Variants in ZDHHC14 observed in about 807,000 individuals in gnomAD.
The protein encoded by ZDHHC14 is zDHHC palmitoyltransferase 14.
A neutral mutation model predicts 47.7 loss-of-function variants in ZDHHC14; 16 were observed. The observed-to-expected ratio is 0.34, with a 90% CI of 0.23 to 0.51. The LOEUF is 0.51. ZDHHC14 is among the 20% of genes least tolerant of loss of function. The pLI is 0.97. For synonymous variants in ZDHHC14, 293 were observed against 278.9 expected (o/e 1.05, Z -0.50); for missense variants, 515 against 662.5 (o/e 0.78, Z 2.44).
chr6:157,484,408 G>GTATATGTGTATA (rs1779724125), intron 1 of ZDHHC14, among the ~76,000 whole-genome samples: 1 of 140,722 alleles, frequency 7.1e-6, no homozygotes, highest in African/African-American at 2.7e-5. Context: ...ACATATATAT[G>GTATATGTGTATA]TATACACATA....
intron 7 of ZDHHC14, among the ~76,000 whole-genome samples, chr6:157,651,558 G>A (rs1460208289): frequency 5.2e-5 from 6 of 116,454 alleles, no homozygotes; most frequent in African/African-American, 6.9e-5. Context: ...AACCCGTGAC[G>A]TTCCCTCAAG....
At chr6:157,518,406 G>A (rs1227950056) in intron 1 of ZDHHC14, among the ~76,000 whole-genome samples, 1 of 139,618 alleles carries the variant, frequency 7.2e-6, no homozygotes, top group Non-Finnish European at 1.6e-5. Flanking sequence ...GGGGAGGGTG[G>A]AAGGGGGGCT....
intron 1 of ZDHHC14, among the ~76,000 whole-genome samples, chr6:157,532,199 C>T (rs1781391810): frequency 6.6e-6 from 1 of 152,248 alleles, no homozygotes; most frequent in South Asian, 2.1e-4. Flanking sequence ...AGGAGAGCCT[C>T]AGTGGTGTTC....
In ZDHHC14 at chr6:157,653,923, G is replaced by A. The variant is rs574188878; in HGVS notation, c.1068+296G>A. 1.1e-4 allele frequency among the ~76,000 whole-genome samples: 17 copies of A among 152,278 alleles called. No individual in the cohort carries two copies. In the South Asian group the frequency reaches 3.5e-3, roughly 32 times the overall value. On this transcript the variant is annotated intron_variant, in intron 8 of 8. Transcript: ENST00000359775. ...CACGTGGATGGAAGCCCCTTATACA[G>A]GATCAGGCTGTTGTTACACATCCCA...
chr6:157,440,183 A>G (rs1778534640), intron 1 of ZDHHC14, among the ~76,000 whole-genome samples: 1 of 151,398 alleles, frequency 6.6e-6, no homozygotes, highest in East Asian at 1.9e-4. Context: ...AATAATAATA[A>G]TAATAATAAA....
chr6:157,623,869 G>A (rs1158789417), intron 3 of ZDHHC14, among the ~76,000 whole-genome samples: 1 of 152,078 alleles, frequency 6.6e-6, no homozygotes, highest in Admixed American at 6.5e-5. Context: ...TTTAAATAAA[G>A]GAATCCTCCA....
chr6:157,540,721 A>G (rs1379026143), intron 1 of ZDHHC14, among the ~76,000 whole-genome samples: 1 of 152,042 alleles, frequency 6.6e-6, no homozygotes, highest in East Asian at 1.9e-4. Flanking sequence ...TGTTCAAACT[A>G]TGTCGAATTG....
intron 1 of ZDHHC14, among the ~76,000 whole-genome samples, chr6:157,389,657 ATT>A: frequency 6.6e-6 from 1 of 152,006 alleles, no homozygotes; most frequent in South Asian, 2.1e-4. Context: ...ATTTTTATTA[ATT>A]GCTTAAGAGA....
At chr6:157,391,207 C>T (rs969452110) in intron 1 of ZDHHC14, among the ~76,000 whole-genome samples, 2 of 152,186 alleles carry the variant, frequency 1.3e-5, no homozygotes, top group African/African-American at 2.4e-5. Flanking sequence ...GCTTACCAAA[C>T]AGTGGAAGAT....
At chr6:157,438,150 G>C (rs981071043) in intron 1 of ZDHHC14, among the ~76,000 whole-genome samples, 21 of 151,664 alleles carry the variant, frequency 1.4e-4, no homozygotes, top group Non-Finnish European at 7.4e-5. Context: ...CAAAAAAAAT[G>C]AGAAAGTAGA....
chr6:157,433,182 G>A (rs989569704), intron 1 of ZDHHC14, among the ~76,000 whole-genome samples: 11 of 152,212 alleles, frequency 7.2e-5, no homozygotes, highest in East Asian at 1.9e-4. Flanking sequence ...GTGCTGGCAC[G>A]ATCACTCTAT....
intron 1 of ZDHHC14, among the ~76,000 whole-genome samples, chr6:157,433,972 A>T (rs1778390882): frequency 6.6e-6 from 1 of 152,192 alleles, no homozygotes; most frequent in South Asian, 2.1e-4. Context: ...TAATTGTACC[A>T]GTATGTGACT....
At chr6:157,657,033 G>A (rs557279559) in intron 8 of ZDHHC14, among the ~76,000 whole-genome samples, 1 of 149,162 alleles carries the variant, frequency 6.7e-6, no homozygotes, top group South Asian at 2.1e-4. Context: ...CTTGCCATCC[G>A]TACACACAAA....
intron 1 of ZDHHC14, among the ~76,000 whole-genome samples, chr6:157,513,015 T>G (rs960526205): frequency 6.6e-6 from 1 of 152,222 alleles, no homozygotes; most frequent in Non-Finnish European, 1.5e-5. Context: ...GAAAAAGGCA[T>G]GTGTATCACT....
chr6:157,672,641 C>T lies in ZDHHC14; in HGVS notation c.1069-83C>T, dbSNP rs1201874704. On this transcript the variant is annotated intron_variant, in intron 8 of 8. Coordinates refer to ENST00000359775, the MANE Select transcript of ZDHHC14 (RefSeq NM_024630.3). The stretch of plus-strand genomic sequence containing the variant: ...CTTCTCGCACCCCACCCTCCCCGCC[C>T]GTGCCCTGTCCCCATCCCTGTCCCT... 1.4e-5 allele frequency: 7 copies of T among 503,002 alleles called. No homozygotes were observed. In the East Asian group the frequency reaches 2.8e-4, roughly 20 times the overall value. 31.2% of individuals were successfully genotyped at this position (503,002 alleles called of 1,614,324 possible).
chr6:157,506,807 G>A (rs1780336642), intron 1 of ZDHHC14, among the ~76,000 whole-genome samples: 1 of 152,146 alleles, frequency 6.6e-6, no homozygotes, highest in Non-Finnish European at 1.5e-5. Context: ...ATTAGCTAGT[G>A]GATACAACTG....
intron 1 of ZDHHC14, among the ~76,000 whole-genome samples, chr6:157,515,943 CAA>C (rs1441074800): frequency 6.6e-6 from 1 of 152,070 alleles, no homozygotes; most frequent in Non-Finnish European, 1.5e-5. Context: ...TACATTTTTC[CAA>C]AGTTATCAGA....
At chr6:157,390,988 A>G (rs1023657026) in intron 1 of ZDHHC14, among the ~76,000 whole-genome samples, 2 of 152,148 alleles carry the variant, frequency 1.3e-5, no homozygotes, top group African/African-American at 2.4e-5. Context: ...AGTAATTTAA[A>G]TTCTTTTTTC....
intron 1 of ZDHHC14, among the ~76,000 whole-genome samples, chr6:157,479,193 C>A (rs1272959123): frequency 6.6e-6 from 1 of 152,224 alleles, no homozygotes; most frequent in Non-Finnish European, 1.5e-5. Flanking sequence ...TACATACCCA[C>A]TCTGTGCCCC....
Sources: gnomAD v4.1 joint callset for allele counts (sites outside exome capture counted in the v4.1 genomes callset) on GRCh38, gnomAD v4.1.1 for gene constraint, MANE v1.5 for transcripts, NCBI Gene and HGNC (gene_info 2026-07-23, HGNC 2026-07-21) for gene names.